The following B3GALT1 variants were observed in gnomAD, a reference collection of about 807,000 sequenced individuals.
B3GALT1 encodes beta-1,3-galactosyltransferase 1.
A neutral mutation model predicts 23.2 loss-of-function variants in B3GALT1; 10 were observed. The ratio of observed to expected loss-of-function variants is 0.43; its 90% CI spans 0.27 to 0.73. The LOEUF (loss-of-function observed/expected upper bound fraction) is 0.73, where lower values mean the gene tolerates loss of function less well. Ranked by LOEUF, B3GALT1 falls within the 30% of genes least tolerant of loss-of-function variation. The probability of loss-of-function intolerance (pLI) is 0.21; values close to 1 mark genes in which losing one functional copy is unlikely to be tolerated. For synonymous variants in B3GALT1, 156 were observed against 141.5 expected (o/e 1.10, Z -0.73); for missense variants, 299 against 405.4 (o/e 0.74, Z 2.25).
chr2:167,605,204 A>C (rs183460929), intron 2 of B3GALT1, among the ~76,000 whole-genome samples: 37 of 152,356 alleles, frequency 2.4e-4, no homozygotes, highest in African/African-American at 8.2e-4. Context: ...TTTTTTCCAC[A>C]TCACTGGGGA....
chr2:167,453,226 G>A lies in B3GALT1; in HGVS notation c.-510-36951G>A, dbSNP rs547789370. 8.5e-5 allele frequency among the ~76,000 whole-genome samples: 13 copies of A among 152,232 alleles called. No homozygotes were observed. The South Asian group carries it at 1.7e-3, about 19-fold the overall frequency. ...TTCACTATAAGATAAATGTGCTGGC[G>A]AGGCTAGCGTGCAGGTATGCCCTCC... is the stretch of plus-strand genomic sequence containing the variant. On this transcript the variant is annotated intron_variant, in intron 1 of 4. Coordinates refer to ENST00000392690, the MANE Select transcript of B3GALT1 (RefSeq NM_020981.4).
intron 2 of B3GALT1, among the ~76,000 whole-genome samples, chr2:167,600,252 A>G (rs1241425748): frequency 6.6e-6 from 1 of 152,184 alleles, no homozygotes; most frequent in East Asian, 1.9e-4. Flanking sequence ...CCCCTCTTTT[A>G]CAACTCCAAG....
intron 4 of B3GALT1, among the ~76,000 whole-genome samples, chr2:167,828,303 T>C (rs1167152728): frequency 1.3e-5 from 2 of 152,192 alleles, no homozygotes; most frequent in Non-Finnish European, 2.9e-5. Context: ...TTCTCACATC[T>C]TTCCTAATAG....
At chr2:167,509,690 T>C (rs1001239708) in intron 2 of B3GALT1, among the ~76,000 whole-genome samples, 3 of 152,212 alleles carry the variant, frequency 2.0e-5, no homozygotes. Context: ...GCATGGTCAA[T>C]GAGCAGGACA....
chr2:167,663,336 A>C (rs1407355291), intron 3 of B3GALT1, among the ~76,000 whole-genome samples: 1 of 151,986 alleles, frequency 6.6e-6, no homozygotes, highest in African/African-American at 2.4e-5. Context: ...TATATGTGCC[A>C]CATTTTCTTA....
At chr2:167,561,162 A>T (rs1228659) in intron 2 of B3GALT1, among the ~76,000 whole-genome samples, 1 of 151,942 alleles carries the variant, frequency 6.6e-6, no homozygotes, top group African/African-American at 2.4e-5. Context: ...ACTCAAAACC[A>T]CTCAACTACA....
At chr2:167,407,492 A>C (rs570682292) in intron 1 of B3GALT1, among the ~76,000 whole-genome samples, 2 of 152,262 alleles carry the variant, frequency 1.3e-5, no homozygotes, top group African/African-American at 4.8e-5. Flanking sequence ...AATAAAAATC[A>C]GAGCAGAAAT....
intron 3 of B3GALT1, among the ~76,000 whole-genome samples, chr2:167,780,099 T>C (rs1339750386): frequency 6.6e-6 from 1 of 152,228 alleles, no homozygotes; most frequent in African/African-American, 2.4e-5. Context: ...CAAGTGTTTA[T>C]TTTTTATCTT....
chr2:167,294,445 G>A (rs1328468860), intron 1 of B3GALT1, among the ~76,000 whole-genome samples: 1 of 152,258 alleles, frequency 6.6e-6, no homozygotes, highest in Admixed American at 6.5e-5. Context: ...TTCCGCAGAA[G>A]GCGAATTCTT....
At chr2:167,589,741 T>C (rs1684643228) in intron 2 of B3GALT1, among the ~76,000 whole-genome samples, 1 of 152,104 alleles carries the variant, frequency 6.6e-6, no homozygotes, top group Non-Finnish European at 1.5e-5. Flanking sequence ...AAATCACCGT[T>C]ACCTACTTTA....
chr2:167,500,140 C>A (rs1813255), intron 2 of B3GALT1, among the ~76,000 whole-genome samples: 71,089 of 151,896 alleles, frequency 0.47, 18,438 homozygotes, highest in East Asian at 0.87. Flanking sequence ...GAACAATTTC[C>A]TAGTCCCTGG....
intron 1 of B3GALT1, among the ~76,000 whole-genome samples, chr2:167,375,717 T>C (rs371933075): frequency 3.5e-4 from 54 of 152,196 alleles, no homozygotes; most frequent in African/African-American, 1.2e-3. Flanking sequence ...TAAAAGTGTT[T>C]ATCAGTTCTA....
intron 3 of B3GALT1, among the ~76,000 whole-genome samples, chr2:167,663,749 T>A (rs1686116758): frequency 6.6e-6 from 1 of 152,124 alleles, no homozygotes; most frequent in African/African-American, 2.4e-5. Flanking sequence ...TTTGGCTGCA[T>A]AAATGTCTTC....
chr2:167,680,021 G>A (rs1002075098), intron 3 of B3GALT1, among the ~76,000 whole-genome samples: 2 of 152,098 alleles, frequency 1.3e-5, no homozygotes, highest in Non-Finnish European at 2.9e-5. Flanking sequence ...TTAATAAACC[G>A]TATCAATGTC....
chr2:167,556,380 TTATC>T (rs1388528085), intron 2 of B3GALT1, among the ~76,000 whole-genome samples: 4 of 152,230 alleles, frequency 2.6e-5, no homozygotes, highest in Admixed American at 6.5e-5. Flanking sequence ...ACTTATCTAT[TTATC>T]TATAATGAAC....
chr2:167,841,111 C>T (rs982584697), intron 4 of B3GALT1, among the ~76,000 whole-genome samples: 1 of 150,484 alleles, frequency 6.6e-6, no homozygotes, highest in Non-Finnish European at 1.5e-5. Context: ...ACCAGCATGG[C>T]ACATGTATAC....
intron 2 of B3GALT1, among the ~76,000 whole-genome samples, chr2:167,582,107 A>T (rs1309257441): frequency 6.6e-6 from 1 of 151,866 alleles, no homozygotes; most frequent in African/African-American, 2.4e-5. Context: ...CATCTCCCAG[A>T]TTATAGAAAC....
intron 4 of B3GALT1, among the ~76,000 whole-genome samples, chr2:167,845,713 C>A (rs1194634281): frequency 1.3e-5 from 2 of 151,818 alleles, no homozygotes; most frequent in Non-Finnish European, 2.9e-5. Flanking sequence ...CCCCCACCCC[C>A]CCGCAACAAC....
chr2:167,511,454 C>G (rs954656779), intron 2 of B3GALT1, among the ~76,000 whole-genome samples: 3 of 152,146 alleles, frequency 2.0e-5, no homozygotes, highest in African/African-American at 7.2e-5. Context: ...GTTTGCTTCC[C>G]TTTTCACCAT....
Sources: allele counts gnomAD v4.1 joint callset (sites outside exome capture counted in the v4.1 genomes callset), GRCh38; gene constraint gnomAD v4.1.1; transcripts MANE v1.5; gene names NCBI Gene and HGNC (gene_info 2026-07-23, HGNC 2026-07-21).